Variants in NAV2 observed in about 807,000 individuals in gnomAD.
NAV2 encodes the protein helicase, APC down-regulated 1.
NAV2 carries 54 observed loss-of-function variants against 223.2 expected under a neutral mutation model. That is an observed-to-expected ratio of 0.24 (90% CI 0.19 to 0.30). The LOEUF (loss-of-function observed/expected upper bound fraction) is 0.30. NAV2 is among the 10% of genes least tolerant of loss of function. The probability of loss-of-function intolerance (pLI) is 1.00; values close to 1 mark genes in which losing one functional copy is unlikely to be tolerated. For missense variants in NAV2, 2,806 were observed against 3,147.5 expected, an observed-to-expected ratio of 0.89 and a Z score of 2.60; for synonymous variants, 1,279 against 1,239.3, an observed-to-expected ratio of 1.03 and a Z score of -0.67.
chr11:20,079,217 T>A (rs1418791994), intron 24 of NAV2, among the ~76,000 whole-genome samples: 1 of 152,136 alleles, frequency 6.6e-6, no homozygotes, highest in African/African-American at 2.4e-5. Context: ...GTTTTTGTAT[T>A]TTTAGTAGAG....
At chr11:19,994,230 T>G (rs1368959104) in intron 11 of NAV2, among the ~76,000 whole-genome samples, 1 of 152,222 alleles carries the variant, frequency 6.6e-6, no homozygotes, top group Non-Finnish European at 1.5e-5. Flanking sequence ...TTTATTTCCC[T>G]AAGTATCTTT....
At chr11:19,777,441 C>T (rs552915987) in intron 1 of NAV2, 2 of 453,196 alleles carry the variant, frequency 4.4e-6, no homozygotes, top group Non-Finnish European at 8.9e-6. Flanking sequence ...TTTCCTCTGC[C>T]CCTTCCTTCC....
Position 19,948,788 on chromosome 11 carries a change from C to T in NAV2, c.2353C>T (p.Leu785=), listed in dbSNP as rs781726630. The T allele has an allele frequency of 1.2e-6, 2 of 1,614,076 alleles. No individual in the cohort carries two copies. The highest frequency in any genetic ancestry group is 2.2e-5 in the South Asian group (2 of 91,066). Residue 785 remains leucine, a synonymous_variant, in exon 10 of 38, where the codon CTG becomes TTG. Transcript: ENST00000349880. Reference sequence around the variant, plus strand: ...GAGGCCCACACCTCTGTCCTGGAGACTGGGCCAGTCCAGCCCTCGGCTCCA... The same window carrying T: ...GAGGCCCACACCTCTGTCCTGGAGATTGGGCCAGTCCAGCCCTCGGCTCCA... ...TGRPTPLSWR[L]GQSSPRLQAG...
intron 26 of NAV2, among the ~76,000 whole-genome samples, chr11:20,090,664 A>G (rs568484419): frequency 1.3e-5 from 2 of 152,274 alleles, no homozygotes; most frequent in East Asian, 3.9e-4. Flanking sequence ...GTCTAAATAA[A>G]CCAATTTAAA....
rs377061238 is a variant in NAV2, at chr11:19,878,942, A to G, written c.512-927A>G. On this transcript the variant is annotated intron_variant, in intron 4 of 37. Transcript: ENST00000349880. ...GTCTGCCTTTTCCCCCTTGCCAGTTAAGAAAAACCCATCCTAGGATGACAG... is the reference window on the plus strand; with the variant it reads ...GTCTGCCTTTTCCCCCTTGCCAGTTGAGAAAAACCCATCCTAGGATGACAG... Among the ~76,000 whole-genome samples the G allele has an allele frequency of 1.6e-3, 247 of 152,206 alleles. 3 individuals carry two copies. Among genetic ancestry groups the G allele is most frequent in the African/African-American group, 5.5e-3 (229 of 41,530 alleles).
intron 10 of NAV2, among the ~76,000 whole-genome samples, chr11:19,952,647 T>G (rs900849225): frequency 1.1e-4 from 17 of 152,230 alleles, no homozygotes; most frequent in African/African-American, 3.1e-4. Context: ...AATTCTGGTT[T>G]CTAAAAACCT....
chr11:19,654,429 G>T (rs1590042376), intron 1 of NAV2, among the ~76,000 whole-genome samples: 2 of 152,142 alleles, frequency 1.3e-5, no homozygotes, highest in African/African-American at 4.8e-5. Flanking sequence ...AGCCCACATT[G>T]CCAAGTCAAT....
At chr11:19,591,049 A>G (rs1233238350) in intron 1 of NAV2, 3 of 152,242 alleles carry the variant, frequency 2.0e-5, no homozygotes, top group Non-Finnish European at 2.9e-5. Flanking sequence ...GTTGAATTGT[A>G]GAAAGCATAT....
rs970858216 is a variant in NAV2, at chr11:19,831,456, A to G, written c.268-1028A>G. Among the ~76,000 whole-genome samples the G allele has an allele frequency of 4.6e-5, 7 of 152,050 alleles. No individual in the cohort carries two copies. In the East Asian group the frequency reaches 1.2e-3, roughly 25 times the overall value. On this transcript the variant is annotated intron_variant, in intron 1 of 37. Coordinates refer to ENST00000349880, the MANE Select transcript of NAV2 (RefSeq NM_145117.5). ...TGAGCCTGTTGTCACTAACCAGTTGAGGCAGGACATTCTCCTTTTGACCAA... is the reference window on the plus strand; with the variant it reads ...TGAGCCTGTTGTCACTAACCAGTTGGGGCAGGACATTCTCCTTTTGACCAA...
At chr11:19,965,332 A>G (rs979254088) in intron 10 of NAV2, among the ~76,000 whole-genome samples, 1 of 152,060 alleles carries the variant, frequency 6.6e-6, no homozygotes, top group Non-Finnish European at 1.5e-5. Context: ...CACATGTCTA[A>G]AATGTAATCG....
At chr11:19,399,374 G>T (rs182908463) in intron 1 of NAV2, among the ~76,000 whole-genome samples, 30 of 152,292 alleles carry the variant, frequency 2.0e-4, no homozygotes, top group Admixed American at 1.6e-3. Context: ...TAATGCAGGC[G>T]CCTTCCTTCT....
intron 1 of NAV2, among the ~76,000 whole-genome samples, chr11:19,719,026 G>A (rs1328672617): frequency 1.3e-5 from 2 of 152,122 alleles, no homozygotes; most frequent in Non-Finnish European, 2.9e-5. Flanking sequence ...AAGATCTGAA[G>A]CACCAAATCT....
At chr11:19,640,334 G>A (rs975403550) in intron 1 of NAV2, among the ~76,000 whole-genome samples, 18 of 152,052 alleles carry the variant, frequency 1.2e-4, no homozygotes, top group Admixed American at 2.0e-4. Context: ...CATGTGTATC[G>A]TGAAACTCTG....
At chr11:19,548,890 A>C (rs1484915504) in intron 1 of NAV2, among the ~76,000 whole-genome samples, 1 of 151,974 alleles carries the variant, frequency 6.6e-6, no homozygotes, top group East Asian at 1.9e-4. Flanking sequence ...AAAAAAAAAA[A>C]AAAAAACACC....
At chr11:19,891,215 T>G (rs2041471320) in intron 5 of NAV2, among the ~76,000 whole-genome samples, 1 of 152,248 alleles carries the variant, frequency 6.6e-6, no homozygotes, top group Non-Finnish European at 1.5e-5. Context: ...GAAAGTTTTA[T>G]GACTTGAAAA....
chr11:20,063,978 C>G (rs563553512), intron 20 of NAV2, among the ~76,000 whole-genome samples: 2 of 152,280 alleles, frequency 1.3e-5, no homozygotes, highest in African/African-American at 4.8e-5. Flanking sequence ...GACCTAGAAA[C>G]CCTTGCTTCT....
At chr11:20,089,107 G>T (rs2060649745) in intron 26 of NAV2, among the ~76,000 whole-genome samples, 1 of 152,040 alleles carries the variant, frequency 6.6e-6, no homozygotes, top group African/African-American at 2.4e-5. Flanking sequence ...AAATTCTAAA[G>T]ACATTTCTGT....
At chr11:19,761,305 T>A (rs976863128) in intron 1 of NAV2, among the ~76,000 whole-genome samples, 3 of 152,156 alleles carry the variant, frequency 2.0e-5, no homozygotes, top group African/African-American at 7.2e-5. Flanking sequence ...TCTATGGAAT[T>A]TACATTCTTA....
chr11:19,382,204 G>A (rs1475087612), intron 1 of NAV2, among the ~76,000 whole-genome samples: 1 of 152,192 alleles, frequency 6.6e-6, no homozygotes, highest in African/African-American at 2.4e-5. Flanking sequence ...GTGTCCTCGG[G>A]AGTGGAATAA....
Sources: gnomAD v4.1 joint callset for allele counts (sites outside exome capture counted in the v4.1 genomes callset) on GRCh38, gnomAD v4.1.1 for gene constraint, MANE v1.5 for transcripts, NCBI Gene and HGNC (gene_info 2026-07-23, HGNC 2026-07-21) for gene names.